Variants in ANKS1B observed in about 807,000 individuals in gnomAD.
ANKS1B encodes the protein ankyrin repeat and sterile alpha motif domain containing 1B, also known as ankyrin repeat and sterile alpha motif domain-containing protein 1B.
In ANKS1B, 36 loss-of-function variants were observed where a neutral mutation model predicts 148.3. The observed-to-expected ratio is 0.24, with a 90% CI of 0.19 to 0.32. The LOEUF (loss-of-function observed/expected upper bound fraction) is 0.32, where lower values mean the gene tolerates loss of function less well. ANKS1B is among the 10% of genes least tolerant of loss of function. The pLI, the probability that ANKS1B is intolerant of heterozygous loss-of-function variation, is 1.00. For synonymous variants in ANKS1B, 542 were observed against 560.8 expected (o/e 0.97, Z 0.47); for missense variants, 1,157 against 1,542.6 (o/e 0.75, Z 4.19).
intron 1 of ANKS1B, among the ~76,000 whole-genome samples, chr12:99,921,410 T>C (rs1292861206): frequency 2.6e-5 from 4 of 152,130 alleles, no homozygotes; most frequent in Non-Finnish European, 4.4e-5. Flanking sequence ...CAATTAAACG[T>C]CTTCCTTTTA....
intron 9 of ANKS1B, among the ~76,000 whole-genome samples, chr12:99,570,636 A>G (rs1352153597): frequency 7.0e-6 from 1 of 142,936 alleles, no homozygotes; most frequent in African/African-American, 2.6e-5. Flanking sequence ...ACGGAGCGAG[A>G]CTTCGTCTCA....
At chr12:99,177,274 T>C (rs779622171) in intron 14 of ANKS1B, among the ~76,000 whole-genome samples, 4 of 152,216 alleles carry the variant, frequency 2.6e-5, no homozygotes, top group Non-Finnish European at 4.4e-5. Flanking sequence ...TTCCTTTTCA[T>C]TGACTTAAGG....
chr12:99,825,468 C>CA, intron 1 of ANKS1B, 79 bp from the exon 2 acceptor site: 1 of 1,069,856 alleles, frequency 9.3e-7, no homozygotes, highest in East Asian at 2.6e-5. Context: ...CTGGTAGCCC[C>CA]ACAGTCAGCA....
intron 9 of ANKS1B, among the ~76,000 whole-genome samples, chr12:99,611,677 T>C (rs1420198513): frequency 1.3e-5 from 2 of 152,074 alleles, no homozygotes; most frequent in Admixed American, 1.3e-4. Flanking sequence ...TGAAATTATT[T>C]TTAATGCCCA....
At chr12:99,249,911 C>G (rs190120554) in intron 12 of ANKS1B, among the ~76,000 whole-genome samples, 37 of 152,340 alleles carry the variant, frequency 2.4e-4, no homozygotes, top group Admixed American at 4.6e-4. Flanking sequence ...TGACACATTA[C>G]CCAGCTGTTT....
chr12:99,650,620 C>A (rs921348425), intron 9 of ANKS1B, among the ~76,000 whole-genome samples: 1 of 152,078 alleles, frequency 6.6e-6, no homozygotes, highest in African/African-American at 2.4e-5. Flanking sequence ...AATCCCCTGA[C>A]GCTATTTAGA....
chr12:98,786,897 G>A (rs1031709060), intron 22 of ANKS1B, among the ~76,000 whole-genome samples: 1 of 152,216 alleles, frequency 6.6e-6, no homozygotes, highest in East Asian at 1.9e-4. Context: ...GCTGGGGAAG[G>A]GATTTCCGGT....
chr12:99,598,961 T>G (rs1449183096), intron 9 of ANKS1B, among the ~76,000 whole-genome samples: 2 of 152,042 alleles, frequency 1.3e-5, no homozygotes, highest in Non-Finnish European at 2.9e-5. Flanking sequence ...TAGGGGAAAT[T>G]TCATTCCTTG....
intron 17 of ANKS1B, among the ~76,000 whole-genome samples, chr12:98,965,810 T>C (rs1020840977): frequency 3.4e-4 from 52 of 152,208 alleles, no homozygotes; most frequent in Non-Finnish European, 5.1e-4. Flanking sequence ...GGATTCCTTA[T>C]TTAATAAATG....
intron 10 of ANKS1B, among the ~76,000 whole-genome samples, chr12:99,446,340 T>C (rs2095637905): frequency 6.6e-6 from 1 of 152,094 alleles, no homozygotes; most frequent in African/African-American, 2.4e-5. Flanking sequence ...CATACTTAAT[T>C]CTGTAGGCAA....
chr12:99,594,417 G>C (rs1441020449), intron 9 of ANKS1B, among the ~76,000 whole-genome samples: 1 of 151,986 alleles, frequency 6.6e-6, no homozygotes, highest in Non-Finnish European at 1.5e-5. Context: ...CATGTTCATC[G>C]CAACATTATT....
intron 17 of ANKS1B, among the ~76,000 whole-genome samples, chr12:99,004,857 C>T (rs1451496661): frequency 6.6e-6 from 1 of 151,970 alleles, no homozygotes. Context: ...GCCATCTCAT[C>T]CTTAAAACTG....
intron 1 of ANKS1B, among the ~76,000 whole-genome samples, chr12:99,860,920 C>T (rs935063213): frequency 2.0e-5 from 3 of 152,158 alleles, no homozygotes; most frequent in Non-Finnish European, 4.4e-5. Flanking sequence ...AAGGCTGCCT[C>T]CATACTTTGA....
chr12:99,734,685 C>T (rs1209011904), intron 8 of ANKS1B, among the ~76,000 whole-genome samples: 2 of 152,200 alleles, frequency 1.3e-5, no homozygotes, highest in Non-Finnish European at 2.9e-5. Flanking sequence ...CACTGTTAAA[C>T]TTCTTGACAA....
intron 17 of ANKS1B, among the ~76,000 whole-genome samples, chr12:98,930,377 T>C (rs2099812638): frequency 6.6e-6 from 1 of 152,170 alleles, no homozygotes; most frequent in African/African-American, 2.4e-5. Context: ...AGTTCAGCAG[T>C]TCCTCAGAAA....
At chr12:98,844,043 C>A (rs1219032412) in intron 17 of ANKS1B, among the ~76,000 whole-genome samples, 1 of 152,060 alleles carries the variant, frequency 6.6e-6, no homozygotes, top group South Asian at 2.1e-4. Flanking sequence ...ATACATTGAT[C>A]TCTCCTTAAT....
At chr12:99,807,193 C>A (rs1167873978) in intron 3 of ANKS1B, among the ~76,000 whole-genome samples, 1 of 152,142 alleles carries the variant, frequency 6.6e-6, no homozygotes, top group Non-Finnish European at 1.5e-5. Context: ...AAGTACAAAT[C>A]ATTGCTTCCT....
At chr12:99,444,393 T>C (rs1018091875) in intron 10 of ANKS1B, among the ~76,000 whole-genome samples, 1 of 151,980 alleles carries the variant, frequency 6.6e-6, no homozygotes, top group African/African-American at 2.4e-5. Flanking sequence ...CCTAGATAAG[T>C]ATAGCAACCT....
intron 12 of ANKS1B, among the ~76,000 whole-genome samples, chr12:99,393,107 TA>T (rs2094132848): frequency 6.6e-6 from 1 of 151,832 alleles, no homozygotes; most frequent in Admixed American, 6.6e-5. Context: ...GATAGATAGA[TA>T]GATAGATAGA....
Sources: allele counts gnomAD v4.1 joint callset (sites outside exome capture counted in the v4.1 genomes callset), GRCh38; gene constraint gnomAD v4.1.1; transcripts MANE v1.5; gene names NCBI Gene and HGNC (gene_info 2026-07-23, HGNC 2026-07-21).